Variants in CFDP1 observed in about 807,000 individuals in gnomAD.
CFDP1 encodes the protein chromatin remodeling protein CFDP1.
CFDP1 carries 31 observed loss-of-function variants against 40.1 expected under a neutral mutation model. The observed-to-expected ratio is 0.77, with a 90% CI of 0.58 to 1.04. CFDP1 has a LOEUF of 1.04. Among genes scored for constraint, CFDP1 ranks in the 50% least tolerant of loss-of-function variants. The probability of loss-of-function intolerance (pLI) is 0.00; values close to 1 mark genes in which losing one functional copy is unlikely to be tolerated. For synonymous variants in CFDP1, 167 were observed against 120.0 expected (o/e 1.39, Z -2.56); for missense variants, 423 against 343.4 (o/e 1.23, Z -1.83).
intron 5 of CFDP1, among the ~76,000 whole-genome samples, chr16:75,320,853 A>G (rs960566717): frequency 6.6e-6 from 1 of 152,256 alleles, no homozygotes; most frequent in Non-Finnish European, 1.5e-5. Context: ...CCTGAGTCAC[A>G]CCAAGGAATA....
intron 4 of CFDP1, among the ~76,000 whole-genome samples, chr16:75,397,020 TCTC>T (rs2078999704): frequency 6.6e-6 from 1 of 152,000 alleles, no homozygotes; most frequent in South Asian, 2.1e-4. Context: ...TTCATGCCAT[TCTC>T]CTGCCTCAGC....
rs752220077 is a variant in CFDP1 at position 75,433,353 on chromosome 16, G to C, written c.-1C>G. On this transcript the variant is annotated 5_prime_UTR_variant, in exon 1 of 7. Coordinates refer to ENST00000283882, the MANE Select transcript of CFDP1 (RefSeq NM_006324.3). ...AGTCTTCGGAGTCGAATTCCTCCAT[G>C]TTGCTGCCGCTCGACGCTGGTCAAA... The C allele has an allele frequency of 1.3e-6, 2 of 1,589,658 alleles. No individual in the cohort carries two copies.
intron 5 of CFDP1, among the ~76,000 whole-genome samples, chr16:75,385,160 A>G: frequency 6.6e-6 from 1 of 152,100 alleles, no homozygotes; most frequent in African/African-American, 2.4e-5. Context: ...AGGCAATTTC[A>G]TTCACATTCT....
At position 75,412,657 on chromosome 16, in the gene CFDP1, C is replaced by T. The variant is rs1411232043; in HGVS notation, c.280G>A (p.Ala94Thr). 1.9e-6 allele frequency: 3 copies of T among 1,614,026 alleles called. No homozygotes were observed. Among genetic ancestry groups the T allele is most frequent in the Admixed American group, 1.7e-5 (1 of 59,994 alleles). Residue 94 changes from alanine to threonine, a missense_variant, in exon 3 of 7, where the codon GCA becomes ACA. Transcript: ENST00000283882. ...GSSSEEEDDAAEQEKGIGSED... is the reference protein window; with the variant it reads ...GSSSEEEDDATEQEKGIGSED... ...GATCCAATGCCTTTTTCCTGCTCTG[C>T]AGCGTCATCTTCCTCCTCACTACTG... is the stretch of plus-strand genomic sequence containing the variant.
intron 5 of CFDP1, among the ~76,000 whole-genome samples, chr16:75,314,165 G>T (rs1231223745): frequency 6.6e-6 from 1 of 152,200 alleles, no homozygotes; most frequent in Non-Finnish European, 1.5e-5. Context: ...GATTACAGGC[G>T]TGAGCCATCG....
intron 4 of CFDP1, among the ~76,000 whole-genome samples, chr16:75,403,700 A>T: frequency 6.6e-6 from 1 of 152,328 alleles, no homozygotes; most frequent in Non-Finnish European, 1.5e-5. Context: ...CATACTTTCT[A>T]TATTATTTTT....
intron 1 of CFDP1, among the ~76,000 whole-genome samples, chr16:75,426,775 C>A (rs1243634683): frequency 6.6e-6 from 1 of 152,026 alleles, no homozygotes; most frequent in African/African-American, 2.4e-5. Context: ...GACAAAGGAG[C>A]CGGGGGTGGT....
chr16:75,392,556 G>C (rs1026413628), intron 5 of CFDP1, among the ~76,000 whole-genome samples: 7 of 152,182 alleles, frequency 4.6e-5, no homozygotes, highest in African/African-American at 1.7e-4. Flanking sequence ...GGAGTGCAGT[G>C]GTGCAATCTC....
intron 5 of CFDP1, among the ~76,000 whole-genome samples, chr16:75,363,220 A>T (rs1001166189): frequency 6.6e-6 from 1 of 152,038 alleles, no homozygotes; most frequent in African/African-American, 2.4e-5. Context: ...AAAGAATGAC[A>T]AAGAAATCTT....
chr16:75,395,440 C>A (rs1449686161), intron 4 of CFDP1, among the ~76,000 whole-genome samples: 1 of 152,162 alleles, frequency 6.6e-6, no homozygotes, highest in Non-Finnish European at 1.5e-5. Flanking sequence ...GCAGGCGGAT[C>A]ACAAGGTCAA....
chr16:75,390,043 T>C (rs1004043677), intron 5 of CFDP1, among the ~76,000 whole-genome samples: 6 of 152,234 alleles, frequency 3.9e-5, no homozygotes, highest in Non-Finnish European at 8.8e-5. Context: ...TTGGCAGACA[T>C]ATCCTTGTAA....
At chr16:75,376,988 C>T (rs997729895) in intron 5 of CFDP1, among the ~76,000 whole-genome samples, 9 of 152,214 alleles carry the variant, frequency 5.9e-5, no homozygotes, top group Admixed American at 4.6e-4. Flanking sequence ...AATGCCTATG[C>T]GGTAACCCTG....
intron 5 of CFDP1, among the ~76,000 whole-genome samples, chr16:75,311,585 CA>C (rs543089751): frequency 4.6e-5 from 7 of 152,162 alleles, no homozygotes; most frequent in Non-Finnish European, 1.0e-4. Flanking sequence ...AACATGTGTA[CA>C]GAAGCACCAC....
intron 5 of CFDP1, among the ~76,000 whole-genome samples, chr16:75,390,749 C>T (rs898279374): frequency 6.6e-6 from 1 of 152,242 alleles, no homozygotes; most frequent in Non-Finnish European, 1.5e-5. Flanking sequence ...GGAAGTCCAT[C>T]ACTTAACAGA....
chr16:75,319,843 T>C (rs2078349728), intron 5 of CFDP1, among the ~76,000 whole-genome samples: 1 of 152,220 alleles, frequency 6.6e-6, no homozygotes, highest in Non-Finnish European at 1.5e-5. Flanking sequence ...TACTTAAGCA[T>C]GAGCCCTAAG....
In CFDP1 at chr16:75,356,911, C is replaced by CTTTT. The variant is rs576406459; in HGVS notation, c.650+38175_650+38178dup. On this transcript the variant is annotated intron_variant, in intron 5 of 6. Coordinates refer to ENST00000283882, the MANE Select transcript of CFDP1 (RefSeq NM_006324.3). The stretch of plus-strand genomic sequence containing the variant: ...TGTTATGGAAACAGCTGCTTTCTTT[C>CTTTT]TTTTTTTTTTTTTTTTTTTTGAGAC... Among the ~76,000 whole-genome samples, 86 of 80,634 alleles carry CTTTT rather than the reference C, an allele frequency of 1.1e-3. 1 individual carries two copies. Among genetic ancestry groups the CTTTT allele is most frequent in the East Asian group, 2.2e-3 (5 of 2,274 alleles). 52.9% of individuals were successfully genotyped at this position (80,634 alleles called of 152,430 possible). A position where few individuals can be genotyped will look rare whatever the true frequency, so the allele number is the denominator to read the frequency against.
Position 75,305,036 on chromosome 16 carries a change from C to A in CFDP1, c.797G>T (p.Arg266Leu), listed in dbSNP as rs762736889. The A allele has an allele frequency of 1.9e-5, 30 of 1,613,814 alleles. No homozygotes were observed. The highest frequency in any genetic ancestry group is 1.5e-4 in the Admixed American group (9 of 59,984). Residue 266 changes from arginine (R) to leucine (L), a missense_variant, in exon 6 of 7, where the codon CGA becomes CTA. Arg to Leu is a moderately radical substitution (Grantham distance 102, BLOSUM62 -2). Coordinates refer to ENST00000283882, the MANE Select transcript of CFDP1 (RefSeq NM_006324.3). ...TACTCCTTCTTACCCCTCTTTCCCT[C>A]GATTATGGATGGCCAGTTCTTCACC... is the stretch of plus-strand genomic sequence containing the variant. ...GIGEELAIHN[R>L]GKEGYIERKA...
At chr16:75,347,733 T>C (rs1408629764) in intron 5 of CFDP1, among the ~76,000 whole-genome samples, 1 of 152,176 alleles carries the variant, frequency 6.6e-6, no homozygotes, top group Admixed American at 6.6e-5. Context: ...GGGAAAACTT[T>C]ACAGTGGAGA....
chr16:75,418,726 G>T (rs77422168), intron 1 of CFDP1, among the ~76,000 whole-genome samples: 2 of 116,874 alleles, frequency 1.7e-5, no homozygotes, highest in African/African-American at 5.9e-5. Context: ...CCACAAAAAG[G>T]CTCCCTAAAA....
Sources: allele counts gnomAD v4.1 joint callset (sites outside exome capture counted in the v4.1 genomes callset), GRCh38; gene constraint gnomAD v4.1.1; transcripts MANE v1.5; gene names NCBI Gene and HGNC (gene_info 2026-07-23, HGNC 2026-07-21).